MYH14: variants seen among roughly 807,000 people sequenced by gnomAD.
MYH14 encodes myosin heavy chain 14.
MYH14 carries 123 observed loss-of-function variants against 255.5 expected under a neutral mutation model. The observed-to-expected ratio is 0.48, with a 90% confidence interval of 0.42 to 0.56. The LOEUF is 0.56. Among genes scored for constraint, MYH14 ranks in the 20% least tolerant of loss-of-function variants. The pLI is 0.00. For missense variants in MYH14, 2,423 were observed against 2,802.3 expected (o/e 0.86, Z 3.06); for synonymous variants, 1,095 against 1,161.2 (o/e 0.94, Z 1.16).
At chr19:50,307,007 T>G (rs1190648419) in intron 40 of MYH14, 42 bp from the exon 41 acceptor site, 1 of 1,419,596 alleles carries the variant, frequency 7.0e-7, no homozygotes, top group Admixed American at 2.0e-5. Context: ...AAATCCTAGG[T>G]TGAGCCCCTC....
rs757625665 is a variant in MYH14 at position 50,281,855 on chromosome 19, A to G, written c.4539+13A>G. 1 of 1,605,140 alleles carries G rather than the reference A, an allele frequency of 6.2e-7. No homozygotes were observed. ...CAAGTTTGACCAGGTGGGGCACCTC[A>G]GTTCACCCAGCCGGGGAATCAGCAA... On this transcript the variant is annotated intron_variant, in intron 33 of 42. Coordinates refer to ENST00000642316, the MANE Select transcript of MYH14 (RefSeq NM_001145809.2).
At position 50,280,306 on chromosome 19, in the gene MYH14, G is replaced by A. The variant is rs1261762088; in HGVS notation, c.4213G>A (p.Gly1405Arg). 4.5e-6 allele frequency: 7 copies of A among 1,550,764 alleles called. No individual in the cohort carries two copies. The highest frequency in any genetic ancestry group is 2.0e-5 in the Admixed American group (1 of 50,968). ...GCGAGCCATGGAGGCTGAGGCAGCC[G>A]GGCTGCGTGAGCAGCTGGAGGAGGA... ...RVRAMEAEAA[G>R]LREQLEEEAA... is the part of the protein sequence containing the mutation. Residue 1405 changes from glycine (G) to arginine (R), a missense_variant, in exon 32 of 43, where the codon GGG (glycine) becomes AGG (arginine). Physicochemically the swap from Gly to Arg is moderately radical, Grantham distance 125. Around this residue, in one of 3 missense-constraint regions of MYH14, gnomAD observed 1,513 missense variants for 1,674.8 expected, o/e 0.90. Coordinates refer to ENST00000642316, the MANE Select transcript of MYH14 (RefSeq NM_001145809.2). The surrounding 1 kb of genome is among the most constrained non-coding windows in gnomAD (Gnocchi z 4.8).
Position 50,277,034 on chromosome 19 carries a change from G to A in MYH14, c.3825+133G>A, listed in dbSNP as rs965156071. 21 of 657,124 alleles carry A rather than the reference G, an allele frequency of 3.2e-5. No homozygotes were observed. In the Admixed American group the frequency reaches 5.7e-4, roughly 18 times the overall value. 40.7% of individuals were successfully genotyped at this position (657,124 alleles called of 1,614,324 possible). ...GGCCCCTTTCCTCACGCATTCATGT[G>A]CATCTTTCATTCAGCAAGCATTAAT... On this transcript the variant is annotated intron_variant, in intron 29 of 42. Transcript: ENST00000642316.
intron 33 of MYH14, chr19:50,285,909 T>C (rs2035873862): frequency 6.6e-6 from 1 of 152,264 alleles, no homozygotes; most frequent in Non-Finnish European, 1.5e-5. Context: ...TTATTTCAGA[T>C]ATTTCATTTT....
chr19:50,224,716 C>T, intron 6 of MYH14: 1 of 442,468 alleles, frequency 2.3e-6, no homozygotes, highest in Non-Finnish European at 4.6e-6. Flanking sequence ...CAAGGAGTAG[C>T]CTGGTGGGGC....
Position 50,310,041 on chromosome 19 carries a change from A to G in MYH14, c.*251A>G. The stretch of plus-strand genomic sequence containing the variant: ...TACCTTGCTTGTTGGGGGACTGGGT[A>G]CAGTTGGCAAGCTGTGTTTCCATCA... On this transcript the variant is annotated 3_prime_UTR_variant, in exon 43 of 43. Coordinates refer to ENST00000642316, the MANE Select transcript of MYH14 (RefSeq NM_001145809.2). The G allele has an allele frequency of 1.7e-6, 1 of 595,812 alleles. No individual in the cohort carries two copies. The highest frequency in any genetic ancestry group is 2.9e-5 in the East Asian group (1 of 34,146). 36.9% of individuals were successfully genotyped at this position (595,812 alleles called of 1,614,324 possible).
At chr19:50,216,498 C>T (rs886662138) in intron 2 of MYH14, among the ~76,000 whole-genome samples, 3 of 151,698 alleles carry the variant, frequency 2.0e-5, no homozygotes, top group East Asian at 1.9e-4. Context: ...CAGCTACTCT[C>T]GAGGCTGAGG....
Position 50,249,155 on chromosome 19 carries a change from G to T in MYH14, c.1482+16G>T. On this transcript the variant is annotated intron_variant, in intron 13 of 42. Transcript: ENST00000642316. The stretch of plus-strand genomic sequence containing the variant: ...GATCTTCCAGGTCCACCCTTGTGCT[G>T]GGAGGGGGATGCCAACTTCCTCACT... 1 of 1,557,796 alleles carries T rather than the reference G, an allele frequency of 6.4e-7. No individual in the cohort carries two copies. Among genetic ancestry groups the T allele is most frequent in the African/African-American group, 1.4e-5 (1 of 73,688 alleles).
intron 18 of MYH14, 125 bp downstream of exon 18, chr19:50,257,611 T>C (rs1350045327): frequency 2.1e-6 from 2 of 957,754 alleles, no homozygotes; most frequent in African/African-American, 1.6e-5. Flanking sequence ...TTTGAGCAAA[T>C]TGCTTCTATT....
intron 2 of MYH14, among the ~76,000 whole-genome samples, chr19:50,216,330 C>T (rs553067361): frequency 3.3e-4 from 50 of 151,964 alleles, no homozygotes; most frequent in African/African-American, 1.1e-3. Context: ...ACACCAGGTG[C>T]GGTGACTCAA....
At position 50,210,667 on chromosome 19, in the gene MYH14, C is replaced by A; in HGVS notation, c.302C>A (p.Pro101Gln). ...CGGGACCAGATCCAGCGCATGAACC[C>A]GCCCAAGTTCAGCAAGGCCGAGGAC... ...LPRDQIQRMN[P>Q]PKFSKAEDMA... is the part of the protein sequence containing the mutation. The change falls in exon 2 of 43, where the codon CCG (proline) becomes CAG (glutamine). Residue 101 changes from proline (P) to glutamine (Q), a missense_variant. Transcript: ENST00000642316. The A allele has an allele frequency of 6.4e-7, 1 of 1,571,330 alleles. No homozygotes were observed. The highest frequency in any genetic ancestry group is 2.4e-5 in the East Asian group (1 of 42,002).
At chr19:50,216,033 A>C (rs1286775532) in intron 2 of MYH14, among the ~76,000 whole-genome samples, 1 of 152,228 alleles carries the variant, frequency 6.6e-6, no homozygotes, top group African/African-American at 2.4e-5. Context: ...TTAGCTAGCT[A>C]ACTTTAGATA....
chr19:50,307,226 C>A, intron 41 of MYH14, 69 bp downstream of exon 41: 2 of 957,428 alleles, frequency 2.1e-6, no homozygotes, highest in South Asian at 1.4e-5. Flanking sequence ...CACAGGCTGT[C>A]TCCAGAGGCA....
Position 50,235,078 on chromosome 19 carries a change from T to A in MYH14, c.1114+3008T>A, listed in dbSNP as rs371122508. ...AAATGTGAAGCAATTTCTCTATTGG[T>A]TCAAAAGTTCCGGCCAAGTGCAGTG... On this transcript the variant is annotated intron_variant, in intron 10 of 42. Coordinates refer to ENST00000642316, the MANE Select transcript of MYH14 (RefSeq NM_001145809.2). Among the ~76,000 whole-genome samples, 116 of 152,272 alleles carry A rather than the reference T, an allele frequency of 7.6e-4. 1 individual carries two copies. The South Asian group carries it at 0.023, about 31-fold the overall frequency.
chr19:50,223,598 T>C (rs770100828), intron 5 of MYH14, among the ~76,000 whole-genome samples: 9 of 152,220 alleles, frequency 5.9e-5, no homozygotes, highest in Non-Finnish European at 8.8e-5. Context: ...TGCTTTCTTT[T>C]CTGAGCACCT....
chr19:50,203,858 A>G (rs909472183), intron 1 of MYH14, among the ~76,000 whole-genome samples, 187 bp downstream of exon 1: 3 of 151,296 alleles, frequency 2.0e-5, no homozygotes, highest in Non-Finnish European at 3.0e-5. Flanking sequence ...GGGGGGCGGG[A>G]CGTCTACACT....
At chr19:50,233,532 T>C (rs951126328) in intron 10 of MYH14, among the ~76,000 whole-genome samples, 3 of 152,292 alleles carry the variant, frequency 2.0e-5, no homozygotes, top group East Asian at 1.9e-4. Context: ...AGTGCTGCAT[T>C]AGTTTGCTTA....
At chr19:50,290,619 G>A (rs940837222) in intron 35 of MYH14, among the ~76,000 whole-genome samples, 1 of 152,194 alleles carries the variant, frequency 6.6e-6, no homozygotes, top group Non-Finnish European at 1.5e-5. Context: ...GGAACCATGG[G>A]AGGGCTATGA....
At position 50,257,581 on chromosome 19, in the gene MYH14, C is replaced by A. The variant is rs1421347791; in HGVS notation, c.2232+95C>A. ...CTGGAGCCACATCTGATTCGAGGAC[C>A]CTCAAATTAGCTGTGTGGCTTTGAG... On this transcript the variant is annotated intron_variant, in intron 18 of 42. Coordinates refer to ENST00000642316, the MANE Select transcript of MYH14 (RefSeq NM_001145809.2). 3.2e-6 allele frequency: 4 copies of A among 1,264,334 alleles called. No individual in the cohort carries two copies. In the African/African-American group the frequency reaches 5.9e-5, roughly 19 times the overall value. The allele number at this position is 1,264,334 out of a possible 1,614,324, so 78.3% of individuals were successfully genotyped here.
Sources: gnomAD v4.1 joint callset for allele counts (sites outside exome capture counted in the v4.1 genomes callset) on GRCh38, gnomAD v4.1.1 for gene constraint, gnomAD v4.1.1 regional missense constraint, Gnocchi (gnomAD v3.1) non-coding constraint, MANE v1.5 for transcripts, NCBI Gene and HGNC (gene_info 2026-07-23, HGNC 2026-07-21) for gene names.